RBM47: variants seen among roughly 807,000 people sequenced by gnomAD.
The protein encoded by RBM47 is RNA-binding protein 47.
RBM47 carries 21 observed loss-of-function variants against 47.1 expected under a neutral mutation model. The ratio of observed to expected loss-of-function variants is 0.45; its 90% CI spans 0.32 to 0.64. RBM47 has a LOEUF of 0.64. RBM47 is among the 30% of genes least tolerant of loss of function. RBM47 has a pLI of 0.05. For synonymous variants in RBM47, 375 were observed against 361.7 expected (o/e 1.04, Z -0.42); for missense variants, 708 against 870.9 (o/e 0.81, Z 2.35).
Position 40,440,608 on chromosome 4 carries a change from G to T in RBM47, c.-31-1684C>A, listed in dbSNP as rs116713414. On this transcript the variant is annotated intron_variant, in intron 3 of 6. Coordinates refer to ENST00000295971, the MANE Select transcript of RBM47 (RefSeq NM_001098634.2). ...CAGATGGCCAAAATAGTCCTTTTGT[G>T]GTTAATTTGCTCTAATATCAAGCGG... Among the ~76,000 whole-genome samples, 391 of 152,282 alleles carry T rather than the reference G, an allele frequency of 2.6e-3. 1 individual carries two copies. The highest frequency in any genetic ancestry group is 9.1e-3 in the African/African-American group (379 of 41,552).
intron 2 of RBM47, among the ~76,000 whole-genome samples, chr4:40,503,489 C>T (rs966079351): frequency 2.0e-5 from 3 of 152,094 alleles, no homozygotes; most frequent in South Asian, 2.1e-4. Context: ...GTGCTACTAG[C>T]GGTGTCCACT....
At chr4:40,445,518 A>G (rs1714411515) in intron 3 of RBM47, among the ~76,000 whole-genome samples, 1 of 152,222 alleles carries the variant, frequency 6.6e-6, no homozygotes. Flanking sequence ...ACCACCTGCT[A>G]TGTGCCAGAT....
At chr4:40,440,601 C>T (rs186679554) in intron 3 of RBM47, among the ~76,000 whole-genome samples, 3 of 151,960 alleles carry the variant, frequency 2.0e-5, no homozygotes, top group Non-Finnish European at 4.4e-5. Context: ...CAAAATAGTC[C>T]TTTTGTGGTT....
Position 40,573,797 on chromosome 4 carries a change from G to GAGAGAAAGAA in RBM47, c.-239-29292_-239-29291insTTCTTTCTCT, listed in dbSNP as rs1393645972. On this transcript the variant is annotated intron_variant, in intron 1 of 6. Transcript: ENST00000295971. ...AGAAAGAAAGAAAGAGAGAGAGAGA[G>GAGAGAAAGAA]AAAGAAAGAAAAAGAAAGAAAGAAA... Among the ~76,000 whole-genome samples, 34 of 104,502 alleles carry GAGAGAAAGAA rather than the reference G, an allele frequency of 3.3e-4. 1 individual carries two copies. Among genetic ancestry groups the GAGAGAAAGAA allele is most frequent in the Admixed American group, 8.9e-4 (9 of 10,140 alleles). The allele number at this position is 104,502 out of a possible 152,430, so 68.6% of individuals were successfully genotyped here. A position where few individuals can be genotyped will look rare whatever the true frequency, so the allele number is the denominator to read the frequency against.
At chr4:40,563,829 A>G (rs924843897) in intron 1 of RBM47, among the ~76,000 whole-genome samples, 1 of 152,222 alleles carries the variant, frequency 6.6e-6, no homozygotes, top group Admixed American at 6.5e-5. Flanking sequence ...GCACATTTAC[A>G]ATGGCAATTG....
At chr4:40,589,055 C>T (rs1424919804) in intron 1 of RBM47, among the ~76,000 whole-genome samples, 1 of 141,256 alleles carries the variant, frequency 7.1e-6, no homozygotes, top group African/African-American at 2.6e-5. Flanking sequence ...CTCACTGCAA[C>T]CTCCACCTCC....
At chr4:40,499,175 C>T (rs773722257) in intron 2 of RBM47, among the ~76,000 whole-genome samples, 2 of 152,098 alleles carry the variant, frequency 1.3e-5, no homozygotes, top group Non-Finnish European at 1.5e-5. Flanking sequence ...ATTTTATTCC[C>T]TCTAAACTTC....
intron 1 of RBM47, among the ~76,000 whole-genome samples, chr4:40,619,293 G>A (rs554413419): frequency 2.0e-5 from 3 of 152,208 alleles, no homozygotes; most frequent in Admixed American, 6.5e-5. Flanking sequence ...AGCTGAGTAT[G>A]ATTGTGTGCC....
chr4:40,558,524 C>CAA (rs1198741417), intron 1 of RBM47, among the ~76,000 whole-genome samples: 2,554 of 92,562 alleles, frequency 0.028, 83 homozygotes, highest in East Asian at 0.1. Context: ...ATTAAAACTA[C>CAA]AAAAAAAAAA....
At chr4:40,574,176 T>C (rs944881181) in intron 1 of RBM47, among the ~76,000 whole-genome samples, 1 of 152,206 alleles carries the variant, frequency 6.6e-6, no homozygotes, top group East Asian at 1.9e-4. Context: ...ACTTCCGAGA[T>C]CTAAATATTC....
intron 4 of RBM47, among the ~76,000 whole-genome samples, chr4:40,437,105 A>ATG (rs1712660550): frequency 1.2e-5 from 1 of 86,020 alleles, no homozygotes; most frequent in African/African-American, 6.6e-5. Context: ...ATATATATAT[A>ATG]TATATAAAAT....
At chr4:40,582,467 G>A (rs1264447362) in intron 1 of RBM47, among the ~76,000 whole-genome samples, 2 of 152,194 alleles carry the variant, frequency 1.3e-5, no homozygotes, top group Non-Finnish European at 2.9e-5. Context: ...CCAGGAGGTG[G>A]AGGGTGCAGT....
intron 1 of RBM47, among the ~76,000 whole-genome samples, chr4:40,555,218 C>A (rs1729964386): frequency 6.6e-6 from 1 of 152,260 alleles, no homozygotes. Flanking sequence ...AGGCGTGAGC[C>A]ACCACACCCG....
chr4:40,556,225 G>C (rs527603798), intron 1 of RBM47, among the ~76,000 whole-genome samples: 6 of 151,742 alleles, frequency 4.0e-5, no homozygotes, highest in African/African-American at 1.4e-4. Context: ...TAGTAGAGAC[G>C]GGGTTTCACC....
intron 1 of RBM47, among the ~76,000 whole-genome samples, chr4:40,557,053 G>C (rs1730169404): frequency 6.6e-6 from 1 of 152,100 alleles, no homozygotes; most frequent in Non-Finnish European, 1.5e-5. Context: ...CCAGAATGCA[G>C]AGCAATTATA....
chr4:40,473,007 T>C (rs1577723063), intron 2 of RBM47, among the ~76,000 whole-genome samples: 1 of 152,120 alleles, frequency 6.6e-6, no homozygotes, highest in Non-Finnish European at 1.5e-5. Flanking sequence ...CTATGCCACA[T>C]CCAACGATGT....
chr4:40,527,417 GCT>G (rs1286583087), intron 2 of RBM47, among the ~76,000 whole-genome samples: 1 of 147,874 alleles, frequency 6.8e-6, no homozygotes, highest in Non-Finnish European at 1.5e-5. Flanking sequence ...CTGCCAAGTA[GCT>G]GAGATCACAC....
chr4:40,541,633 G>A (rs1728554580), intron 2 of RBM47, among the ~76,000 whole-genome samples: 2 of 152,084 alleles, frequency 1.3e-5, no homozygotes. Context: ...AGCTAGTCGG[G>A]AGGCTGAGGC....
At chr4:40,572,909 T>C (rs1457439388) in intron 1 of RBM47, among the ~76,000 whole-genome samples, 2 of 151,672 alleles carry the variant, frequency 1.3e-5, no homozygotes, top group Admixed American at 1.3e-4. Flanking sequence ...CACAACACTT[T>C]GGGAGGCCGA....
Sources: gnomAD v4.1 joint callset for allele counts (sites outside exome capture counted in the v4.1 genomes callset) on GRCh38, gnomAD v4.1.1 for gene constraint, MANE v1.5 for transcripts, NCBI Gene and HGNC (gene_info 2026-07-23, HGNC 2026-07-21) for gene names.